The following SHC4 variants were observed in gnomAD, a reference collection of about 807,000 sequenced individuals.
SHC4 encodes SHC-transforming protein 4.
A neutral mutation model predicts 69.4 loss-of-function variants in SHC4; 41 were observed. That is an observed-to-expected ratio of 0.59 (90% CI 0.46 to 0.77). The LOEUF (loss-of-function observed/expected upper bound fraction) is 0.77. Among genes scored for constraint, SHC4 ranks in the 30% least tolerant of loss-of-function variants. The probability of loss-of-function intolerance (pLI) is 0.00; values close to 1 mark genes in which losing one functional copy is unlikely to be tolerated. For missense variants in SHC4, 777 were observed against 783.8 expected, an observed-to-expected ratio of 0.99 and a Z score of 0.10; for synonymous variants, 318 against 299.3, an observed-to-expected ratio of 1.06 and a Z score of -0.64.
Position 48,924,884 on chromosome 15 carries a change from A to G in SHC4, c.651T>C (p.Val217=), listed in dbSNP as rs2141024710. 3 of 1,614,128 alleles carry G rather than the reference A, an allele frequency of 1.9e-6. No individual in the cohort carries two copies. The highest frequency in any genetic ancestry group is 4.5e-5 in the East Asian group (2 of 44,888). ...TCCCATTTTTGGCTTCTTACCTTGT[A>G]ACTTGGGTTCTCATTCCAAAATCCA... ...RSLDFGMRTQ[V]TREAISRLCE... Residue 217 remains valine, a synonymous_variant, in exon 2 of 12, where the codon GTT becomes GTC. Coordinates refer to ENST00000332408, the MANE Select transcript of SHC4 (RefSeq NM_203349.4).
chr15:48,956,300 C>T (rs1472552311), intron 1 of SHC4, among the ~76,000 whole-genome samples: 1 of 152,086 alleles, frequency 6.6e-6, no homozygotes, highest in African/African-American at 2.4e-5. Flanking sequence ...CCTGAGCGAC[C>T]CAGGTCTGGC....
At chr15:48,851,971 G>C (rs1435565912) in intron 8 of SHC4, among the ~76,000 whole-genome samples, 1 of 152,206 alleles carries the variant, frequency 6.6e-6, no homozygotes, top group Non-Finnish European at 1.5e-5. Flanking sequence ...AGGTCTTGAA[G>C]ACTGAACTGA....
intron 2 of SHC4, among the ~76,000 whole-genome samples, chr15:48,910,532 T>C (rs1372125691): frequency 6.6e-6 from 1 of 152,068 alleles, no homozygotes; most frequent in African/African-American, 2.4e-5. Flanking sequence ...TCTTTTGTAT[T>C]GGTTTTTTTG....
At chr15:48,918,793 A>G (rs1277229481) in intron 2 of SHC4, among the ~76,000 whole-genome samples, 1 of 152,214 alleles carries the variant, frequency 6.6e-6, no homozygotes, top group Non-Finnish European at 1.5e-5. Flanking sequence ...GAATTCTGCA[A>G]TATAATTTTT....
chr15:48,937,081 G>A (rs1432097006), intron 1 of SHC4, among the ~76,000 whole-genome samples: 1 of 152,236 alleles, frequency 6.6e-6, no homozygotes, highest in East Asian at 1.9e-4. Flanking sequence ...TCTGCTGCTG[G>A]GCATGGCCAG....
chr15:48,928,554 A>G (rs1037731351), intron 1 of SHC4, among the ~76,000 whole-genome samples: 4 of 152,226 alleles, frequency 2.6e-5, no homozygotes, highest in Non-Finnish European at 5.9e-5. Flanking sequence ...TTCTCAGCCC[A>G]GTTATTAAAT....
chr15:48,850,315 T>C (rs1269619421), intron 9 of SHC4, among the ~76,000 whole-genome samples: 2 of 152,124 alleles, frequency 1.3e-5, no homozygotes, highest in Non-Finnish European at 1.5e-5. Context: ...TAATCATACC[T>C]ATACCAGAAA....
At chr15:48,878,796 A>C in intron 4 of SHC4, 1 of 1,505,158 alleles carries the variant, frequency 6.6e-7, no homozygotes, top group Non-Finnish European at 9.0e-7. Context: ...ACTTTCCGCT[A>C]TCTTTTGGGT....
chr15:48,858,211 C>T (rs991781438), intron 6 of SHC4, among the ~76,000 whole-genome samples: 5 of 152,164 alleles, frequency 3.3e-5, no homozygotes, highest in African/African-American at 1.2e-4. Context: ...GTCATCTTTG[C>T]ACGGTATGTT....
chr15:48,850,067 G>A (rs762780067), intron 9 of SHC4, among the ~76,000 whole-genome samples: 1 of 152,130 alleles, frequency 6.6e-6, no homozygotes, highest in Non-Finnish European at 1.5e-5. Context: ...GCTGGGCATG[G>A]TGGCGGGTGC....
At chr15:48,889,228 C>T (rs1900090480) in intron 3 of SHC4, among the ~76,000 whole-genome samples, 1 of 152,182 alleles carries the variant, frequency 6.6e-6, no homozygotes, top group African/African-American at 2.4e-5. Flanking sequence ...TTAGAGATTA[C>T]TTTGGAACCA....
At chr15:48,942,101 T>C (rs761471368) in intron 1 of SHC4, among the ~76,000 whole-genome samples, 6 of 152,128 alleles carry the variant, frequency 3.9e-5, no homozygotes, top group Admixed American at 2.6e-4. Flanking sequence ...TCAGTAACTG[T>C]AGGGTTGCTT....
At chr15:48,833,966 G>A (rs776695321) in intron 11 of SHC4, among the ~76,000 whole-genome samples, 36 of 152,152 alleles carry the variant, frequency 2.4e-4, no homozygotes, top group Non-Finnish European at 4.7e-4. Context: ...TTAATTCTGT[G>A]TTTCTTTTGG....
At chr15:48,893,865 CT>C (rs768451525) in intron 2 of SHC4, among the ~76,000 whole-genome samples, 5 of 152,310 alleles carry the variant, frequency 3.3e-5, no homozygotes, top group Admixed American at 6.5e-5. Context: ...GTAGTCCCAG[CT>C]ACTTGGAAGG....
At chr15:48,899,773 C>T (rs1032032727) in intron 2 of SHC4, among the ~76,000 whole-genome samples, 4 of 152,078 alleles carry the variant, frequency 2.6e-5, no homozygotes, top group Non-Finnish European at 4.4e-5. Context: ...GAGAGTACAC[C>T]ATTTAGGTAA....
chr15:48,939,007 AG>A, intron 1 of SHC4, among the ~76,000 whole-genome samples: 1 of 152,216 alleles, frequency 6.6e-6, no homozygotes. Flanking sequence ...TGTGTTTCAT[AG>A]GGTTATTGTG....
At chr15:48,917,253 G>C (rs1900641893) in intron 2 of SHC4, among the ~76,000 whole-genome samples, 2 of 120,492 alleles carry the variant, frequency 1.7e-5, no homozygotes, top group Non-Finnish European at 3.3e-5. Flanking sequence ...TTGTGTGTGT[G>C]TGTGTGTGTG....
intron 2 of SHC4, among the ~76,000 whole-genome samples, chr15:48,904,711 C>CCA (rs573451881): frequency 1.9e-3 from 295 of 151,940 alleles, no homozygotes; most frequent in African/African-American, 6.4e-3. Flanking sequence ...GACCTCATCT[C>CCA]CACACACACA....
intron 2 of SHC4, among the ~76,000 whole-genome samples, chr15:48,908,510 C>T (rs1900450661): frequency 6.6e-6 from 1 of 152,184 alleles, no homozygotes; most frequent in Admixed American, 6.5e-5. Context: ...TGTCTGTTTA[C>T]TCTGCTGACT....
Sources: allele counts gnomAD v4.1 joint callset (sites outside exome capture counted in the v4.1 genomes callset), GRCh38; gene constraint gnomAD v4.1.1; transcripts MANE v1.5; gene names NCBI Gene and HGNC (gene_info 2026-07-23, HGNC 2026-07-21).